Variants in RAB3C observed in about 807,000 individuals in gnomAD.
RAB3C encodes the protein RAB3C, member RAS oncogene family, also known as ras-related protein Rab-3C.
RAB3C carries 17 observed loss-of-function variants against 26.4 expected under a neutral mutation model. The observed-to-expected ratio is 0.64, with a 90% CI of 0.44 to 0.97. RAB3C has a LOEUF of 0.97. Among genes scored for constraint, RAB3C ranks in the 50% least tolerant of loss-of-function variants. RAB3C has a pLI of 0.00. For missense variants in RAB3C, 242 were observed against 281.9 expected (o/e 0.86, Z 1.01); for synonymous variants, 91 against 95.9 (o/e 0.95, Z 0.30).
At chr5:58,675,055 A>G (rs1748194623) in intron 2 of RAB3C, among the ~76,000 whole-genome samples, 1 of 152,074 alleles carries the variant, frequency 6.6e-6, no homozygotes, top group Non-Finnish European at 1.5e-5. Flanking sequence ...ACTGAGCCTA[A>G]AAACTCCATT....
chr5:58,791,743 A>G (rs1579920450), intron 3 of RAB3C, among the ~76,000 whole-genome samples: 2 of 152,358 alleles, frequency 1.3e-5, no homozygotes, highest in Non-Finnish European at 2.9e-5. Context: ...GGTCTCTACC[A>G]TCAGGTATAA....
chr5:58,680,381 A>G (rs1338349824), intron 2 of RAB3C, among the ~76,000 whole-genome samples: 2 of 152,218 alleles, frequency 1.3e-5, no homozygotes, highest in Non-Finnish European at 2.9e-5. Flanking sequence ...GCATTATTGA[A>G]GTGAATTGTA....
At chr5:58,775,815 G>T (rs565275633) in intron 3 of RAB3C, among the ~76,000 whole-genome samples, 1 of 152,116 alleles carries the variant, frequency 6.6e-6, no homozygotes, top group Non-Finnish European at 1.5e-5. Flanking sequence ...AAGCCTCCGG[G>T]CTTCGGTCTG....
chr5:58,608,927 C>T (rs1481872657), intron 1 of RAB3C, among the ~76,000 whole-genome samples: 1 of 152,118 alleles, frequency 6.6e-6, no homozygotes, highest in Non-Finnish European at 1.5e-5. Context: ...TCTCAGCAAA[C>T]TATCACACAA....
intron 3 of RAB3C, among the ~76,000 whole-genome samples, chr5:58,811,557 AAC>A (rs1743091378): frequency 6.6e-6 from 1 of 152,164 alleles, no homozygotes; most frequent in Admixed American, 6.5e-5. Context: ...GGAAAGGGAC[AAC>A]AGTCCTCGAT....
At chr5:58,727,985 C>T (rs930111710) in intron 3 of RAB3C, among the ~76,000 whole-genome samples, 1 of 151,966 alleles carries the variant, frequency 6.6e-6, no homozygotes, top group East Asian at 1.9e-4. Flanking sequence ...CCAGCTTAAA[C>T]TTTCCAACAT....
intron 3 of RAB3C, among the ~76,000 whole-genome samples, chr5:58,755,487 T>C (rs893426805): frequency 2.0e-5 from 3 of 152,142 alleles, no homozygotes; most frequent in African/African-American, 7.2e-5. Flanking sequence ...CTGAAGTGAG[T>C]GTACCTCCAT....
chr5:58,803,214 T>C (rs1742849676), intron 3 of RAB3C, among the ~76,000 whole-genome samples: 1 of 152,216 alleles, frequency 6.6e-6, no homozygotes, highest in East Asian at 1.9e-4. Flanking sequence ...TGAGTCAGTA[T>C]TATTTTCAAC....
chr5:58,678,392 A>C (rs1748273295), intron 2 of RAB3C, among the ~76,000 whole-genome samples: 1 of 152,148 alleles, frequency 6.6e-6, no homozygotes, highest in South Asian at 2.1e-4. Flanking sequence ...ACAGATAGTA[A>C]TTTGTATTTT....
Position 58,858,083 on chromosome 5 carries a change from A to G in RAB3C, c.*6732A>G, listed in dbSNP as rs1744302597. 6.6e-6 allele frequency: 1 copy of G among 152,210 alleles called. No homozygotes were observed. The highest frequency in any genetic ancestry group is 1.5e-5 in the Non-Finnish European group (1 of 68,036). The allele number at this position is 152,210 out of a possible 1,614,324, so 9.4% of individuals were successfully genotyped here. A position where few individuals can be genotyped will look rare whatever the true frequency, so the allele number is the denominator to read the frequency against. The stretch of plus-strand genomic sequence containing the variant: ...AAATTGATGCAAGACAGTTGGTTCT[A>G]GATGACCATGGCCATGTGTTCATCA... On this transcript the variant is annotated 3_prime_UTR_variant, in exon 5 of 5. Coordinates refer to ENST00000282878, the MANE Select transcript of RAB3C (RefSeq NM_138453.4).
intron 3 of RAB3C, among the ~76,000 whole-genome samples, chr5:58,762,894 A>T (rs755637917): frequency 3.3e-5 from 5 of 152,202 alleles, no homozygotes; most frequent in Admixed American, 1.3e-4. Context: ...TCTCATACAA[A>T]TATAAAATGA....
chr5:58,796,641 A>G (rs1192546576), intron 3 of RAB3C, among the ~76,000 whole-genome samples: 1 of 152,204 alleles, frequency 6.6e-6, no homozygotes, highest in Non-Finnish European at 1.5e-5. Flanking sequence ...GCAGGAAACC[A>G]TTACTACTCA....
chr5:58,595,931 A>G (rs1448519255), intron 1 of RAB3C, among the ~76,000 whole-genome samples: 1 of 152,136 alleles, frequency 6.6e-6, no homozygotes, highest in Non-Finnish European at 1.5e-5. Context: ...CTGCATATAG[A>G]AAGTGTGAAT....
chr5:58,704,419 C>T (rs1175805847), intron 2 of RAB3C, among the ~76,000 whole-genome samples: 1 of 152,094 alleles, frequency 6.6e-6, no homozygotes, highest in East Asian at 1.9e-4. Context: ...AATTAAAGGA[C>T]TCTGATAGAA....
chr5:58,658,478 C>T lies in RAB3C; in HGVS notation c.252+40608C>T, dbSNP rs117775710. 7.3e-4 allele frequency among the ~76,000 whole-genome samples: 111 copies of T among 152,260 alleles called. 2 individuals are homozygous for T. The East Asian group carries it at 0.019, about 26-fold the overall frequency. On this transcript the variant is annotated intron_variant, in intron 2 of 4. Coordinates refer to ENST00000282878, the MANE Select transcript of RAB3C (RefSeq NM_138453.4). ...GAGAAAGGAGAACTTTACTTTTAAA[C>T]AATCAATAGAATATGATTTAGCAGC...
In RAB3C at chr5:58,616,991, C is replaced by G. The variant is rs1746837165; in HGVS notation, c.25-652C>G. Among the ~76,000 whole-genome samples the G allele has an allele frequency of 2.0e-5, 3 of 152,164 alleles. No individual in the cohort carries two copies. In the South Asian group the frequency reaches 6.2e-4, roughly 32 times the overall value. ...AAGTTACTTAATAATATCTCTGGGC[C>G]TCAATTTTCTCATTTTAATATGGAA... On this transcript the variant is annotated intron_variant, in intron 1 of 4. Coordinates refer to ENST00000282878, the MANE Select transcript of RAB3C (RefSeq NM_138453.4).
intron 2 of RAB3C, among the ~76,000 whole-genome samples, chr5:58,643,429 AT>A (rs1236935789): frequency 6.6e-6 from 1 of 152,128 alleles, no homozygotes; most frequent in Non-Finnish European, 1.5e-5. Flanking sequence ...CACCTGTGGC[AT>A]TTATTTTTAG....
At chr5:58,633,403 C>G (rs1210361701) in intron 2 of RAB3C, among the ~76,000 whole-genome samples, 1 of 152,114 alleles carries the variant, frequency 6.6e-6, no homozygotes, top group African/African-American at 2.4e-5. Flanking sequence ...GGGGGAGGCA[C>G]AAACGTAAAG....
At chr5:58,613,246 G>T (rs1196310518) in intron 1 of RAB3C, among the ~76,000 whole-genome samples, 1 of 152,068 alleles carries the variant, frequency 6.6e-6, no homozygotes, top group Non-Finnish European at 1.5e-5. Flanking sequence ...GGCCTACCTG[G>T]AGCAACAACA....
Sources: gnomAD v4.1 joint callset for allele counts (sites outside exome capture counted in the v4.1 genomes callset) on GRCh38, gnomAD v4.1.1 for gene constraint, MANE v1.5 for transcripts, NCBI Gene and HGNC (gene_info 2026-07-23, HGNC 2026-07-21) for gene names.